Variants in USP43 observed in about 807,000 individuals in gnomAD.
USP43 encodes ubiquitin specific peptidase 43.
A neutral mutation model predicts 90.7 loss-of-function variants in USP43; 33 were observed. The ratio of observed to expected loss-of-function variants is 0.36; its 90% confidence interval spans 0.28 to 0.49. USP43 has a LOEUF of 0.49. Among genes scored for constraint, USP43 ranks in the 20% least tolerant of loss-of-function variants. The probability of loss-of-function intolerance (pLI) is 0.98; values close to 1 mark genes in which losing one functional copy is unlikely to be tolerated. For synonymous variants in USP43, 598 were observed against 615.8 expected, an observed-to-expected ratio of 0.97 and a Z score of 0.43; for missense variants, 1,274 against 1,476.4, an observed-to-expected ratio of 0.86 and a Z score of 2.25.
In USP43 at chr17:9,727,986, G is replaced by T. The variant is rs201063447; in HGVS notation, c.2368G>T (p.Val790Leu). 1.2e-6 allele frequency: 2 copies of T among 1,610,724 alleles called. No individual in the cohort carries two copies. The highest frequency in any genetic ancestry group is 2.7e-5 in the African/African-American group (2 of 74,818). Reference sequence around the variant, plus strand: ...GGAGCCCAGGCGTTTGGTACGGGGCGTGAAAGGCAGAAGCATTAGCATGAA... The same window carrying T: ...GGAGCCCAGGCGTTTGGTACGGGGCTTGAAAGGCAGAAGCATTAGCATGAA... Reference protein sequence around the residue: ...GLEPRRLVRGVKGRSISMKAP... With the variant: ...GLEPRRLVRGLKGRSISMKAP... Residue 790 changes from valine to leucine, a missense_variant, in exon 15 of 15, where the codon GTG (valine) becomes TTG (leucine). Physicochemically the swap from Val to Leu is conservative, Grantham distance 32. Coordinates refer to ENST00000285199, the MANE Select transcript of USP43 (RefSeq NM_153210.5).
chr17:9,715,745 C>G (rs111067491), intron 14 of USP43, among the ~76,000 whole-genome samples: 5,321 of 119,528 alleles, frequency 0.045, 335 homozygotes, highest in African/African-American at 0.14. Context: ...GTGTGTGTCT[C>G]TGTAGGTATG....
Position 9,728,087 on chromosome 17 carries a change from G to A in USP43, c.2469G>A (p.Glu823=). ...MPLRWSFGSK[E]KPPGASVELV... ...TGCGGTGGTCCTTTGGATCCAAGGAGAAACCACCAGGTGCCTCCGTCGAGT... is the reference window on the plus strand; with the variant it reads ...TGCGGTGGTCCTTTGGATCCAAGGAAAAACCACCAGGTGCCTCCGTCGAGT... The change falls in exon 15 of 15, where the codon GAG becomes GAA. Residue 823 remains glutamate (E), a synonymous_variant. Coordinates refer to ENST00000285199, the MANE Select transcript of USP43 (RefSeq NM_153210.5). This position sits in a 1 kb window ranked among gnomAD's most constrained non-coding sequence, Gnocchi z 6.2. 6.2e-7 allele frequency: 1 copy of A among 1,613,896 alleles called. No homozygotes were observed. The highest frequency in any genetic ancestry group is 8.5e-7 in the Non-Finnish European group (1 of 1,179,874).
intron 14 of USP43, among the ~76,000 whole-genome samples, chr17:9,726,956 G>A (rs1166918904): frequency 6.6e-6 from 1 of 152,090 alleles, no homozygotes; most frequent in Non-Finnish European, 1.5e-5. Flanking sequence ...AGTGACTGAT[G>A]ACTGAGAATT....
intron 8 of USP43, among the ~76,000 whole-genome samples, chr17:9,692,841 T>C (rs1250968605): frequency 1.3e-5 from 2 of 152,216 alleles, no homozygotes; most frequent in African/African-American, 4.8e-5. Flanking sequence ...TGTACCAGTA[T>C]CTGCTCCAGT....
chr17:9,678,260 A>C lies in USP43; in HGVS notation c.969+1379A>C, dbSNP rs557549613. ...GGACGGGCATTTCCACTGAAACTGA[A>C]AGTCATCTATTTTGATGCTTTGTTT... On this transcript the variant is annotated intron_variant, in intron 5 of 14. Transcript: ENST00000285199. Among the ~76,000 whole-genome samples, 3 of 152,306 alleles carry C rather than the reference A, an allele frequency of 2.0e-5. No homozygotes were observed. In the South Asian group the frequency reaches 6.2e-4, roughly 32 times the overall value.
intron 8 of USP43, among the ~76,000 whole-genome samples, chr17:9,690,175 G>A (rs1914853973): frequency 6.6e-6 from 1 of 152,010 alleles, no homozygotes; most frequent in Non-Finnish European, 1.5e-5. Context: ...CATCTGTTTC[G>A]GGTCATTCTG....
At chr17:9,700,668 G>A (rs1455459137) in intron 10 of USP43, among the ~76,000 whole-genome samples, 1 of 152,176 alleles carries the variant, frequency 6.6e-6, no homozygotes, top group Non-Finnish European at 1.5e-5. Flanking sequence ...CACAGAGAGG[G>A]TAAGCAGTTG....
At chr17:9,702,620 T>A (rs572250389) in intron 12 of USP43, among the ~76,000 whole-genome samples, 1 of 152,032 alleles carries the variant, frequency 6.6e-6, no homozygotes, top group Non-Finnish European at 1.5e-5. Context: ...TCCCTTTGAG[T>A]GTTTTCAGAG....
At chr17:9,681,581 C>A (rs1232690206) in intron 6 of USP43, among the ~76,000 whole-genome samples, 1 of 144,712 alleles carries the variant, frequency 6.9e-6, no homozygotes, top group Non-Finnish European at 1.5e-5. Context: ...GCAACCTCCA[C>A]CTCCTGGGTT....
At chr17:9,708,242 GT>G (rs1186904469) in intron 12 of USP43, among the ~76,000 whole-genome samples, 2 of 152,224 alleles carry the variant, frequency 1.3e-5, no homozygotes, top group Non-Finnish European at 2.9e-5. Context: ...ACGGATGGGA[GT>G]TTGCATTTTT....
At chr17:9,665,940 T>C (rs1329881040) in intron 2 of USP43, among the ~76,000 whole-genome samples, 1 of 151,698 alleles carries the variant, frequency 6.6e-6, no homozygotes, top group Non-Finnish European at 1.5e-5. Context: ...CCGGAGGGAG[T>C]GCAGCCCTGC....
intron 12 of USP43, among the ~76,000 whole-genome samples, chr17:9,703,823 G>A (rs150873385): frequency 6.6e-6 from 1 of 152,322 alleles, no homozygotes; most frequent in African/African-American, 2.4e-5. Context: ...CTGCCCTGCC[G>A]AGATGAGTGA....
rs1911325177 is a variant in USP43, at chr17:9,645,674, C to G, written c.42C>G (p.Leu14=). The change falls in exon 1 of 15, where the codon CTC becomes CTG. Residue 14 remains leucine (L), a synonymous_variant. Coordinates refer to ENST00000285199, the MANE Select transcript of USP43 (RefSeq NM_153210.5). This position sits in a 1 kb window ranked among gnomAD's most constrained non-coding sequence, Gnocchi z 6.8. ...GPGDAAGGGP[L]APRPRRRRSL... is the part of the protein sequence containing the mutation. ...GGGACGCGGCAGGAGGGGGACCGCT[C>G]GCGCCCCGGCCCCGCCGCCGCCGCT... 7.8e-7 allele frequency: 1 copy of G among 1,276,296 alleles called. No individual in the cohort carries two copies. The highest frequency in any genetic ancestry group is 9.8e-7 in the Non-Finnish European group (1 of 1,017,522). 79.1% of individuals were successfully genotyped at this position (1,276,296 alleles called of 1,614,324 possible).
At chr17:9,708,422 C>T (rs1005555928) in intron 12 of USP43, among the ~76,000 whole-genome samples, 1 of 152,088 alleles carries the variant, frequency 6.6e-6, no homozygotes, top group East Asian at 1.9e-4. Context: ...GTGAGAGACA[C>T]CACTGGCTGA....
intron 14 of USP43, among the ~76,000 whole-genome samples, chr17:9,717,801 ATT>A (rs3066742): frequency 2.1e-5 from 3 of 142,532 alleles, no homozygotes; most frequent in Admixed American, 1.4e-4. Flanking sequence ...TATAGCTCAC[ATT>A]TTTTTTTTTT....
chr17:9,719,083 G>A (rs396175), intron 14 of USP43, among the ~76,000 whole-genome samples: 23,427 of 152,066 alleles, frequency 0.15, 3,209 homozygotes, highest in African/African-American at 0.37. Flanking sequence ...AGCTGAGCTC[G>A]CACCATTGCG....
At chr17:9,720,650 G>A (rs1480875144) in intron 14 of USP43, among the ~76,000 whole-genome samples, 8 of 151,854 alleles carry the variant, frequency 5.3e-5, no homozygotes, top group Admixed American at 3.3e-4. Flanking sequence ...CACCACGCCC[G>A]GCTAATTTTG....
At chr17:9,708,772 C>T (rs1012234564) in intron 12 of USP43, among the ~76,000 whole-genome samples, 3 of 152,042 alleles carry the variant, frequency 2.0e-5, no homozygotes, top group East Asian at 1.9e-4. Context: ...GGATTACAGG[C>T]GTGCACCACT....
intron 12 of USP43, among the ~76,000 whole-genome samples, chr17:9,707,491 A>G (rs538720568): frequency 2.0e-5 from 3 of 152,122 alleles, no homozygotes; most frequent in African/African-American, 7.2e-5. Flanking sequence ...ATAAAAATAC[A>G]AAACAATTAG....
Sources: gnomAD v4.1 joint callset for allele counts (sites outside exome capture counted in the v4.1 genomes callset) on GRCh38, gnomAD v4.1.1 for gene constraint, Gnocchi (gnomAD v3.1) non-coding constraint, MANE v1.5 for transcripts, NCBI Gene and HGNC (gene_info 2026-07-23, HGNC 2026-07-21) for gene names.